Variants in RNF112 observed in about 807,000 individuals in gnomAD.
RNF112 encodes the protein ring finger protein 112.
A neutral mutation model predicts 64.7 loss-of-function variants in RNF112; 34 were observed. The observed-to-expected ratio is 0.53, with a 90% confidence interval of 0.40 to 0.70. RNF112 has a LOEUF of 0.70. Among genes scored for constraint, RNF112 ranks in the 30% least tolerant of loss-of-function variants. RNF112 has a pLI of 0.00. For missense variants in RNF112, 734 were observed against 850.0 expected (o/e 0.86, Z 1.70); for synonymous variants, 345 against 344.5 (o/e 1.00, Z -0.02).
chr17:19,413,319 T>A lies in RNF112; in HGVS notation c.628T>A (p.Ser210Thr), dbSNP rs779543095. ...CGGCCGGCCAAGAGGAGGAGAGGCA[T>A]CCCTGCAGGGCTGCAGGTGGGGCGC... ...EGGRPRGGEA[S>T]LQGCRWGANG... Residue 210 changes from serine (S) to threonine (T), a missense_variant, in exon 5 of 14, where the codon TCC becomes ACC. By Grantham distance (58) the Ser-to-Thr change is moderately conservative. Coordinates refer to ENST00000461366, the MANE Select transcript of RNF112 (RefSeq NM_007148.5). The surrounding 1 kb of genome is among the most constrained non-coding windows in gnomAD (Gnocchi z 5.9). The A allele has an allele frequency of 1.9e-6, 3 of 1,612,644 alleles. No homozygotes were observed. The highest frequency in any genetic ancestry group is 1.3e-5 in the African/African-American group (1 of 74,860).
At chr17:19,414,290 C>A in intron 7 of RNF112, 145 bp downstream of exon 7, 2 of 1,119,642 alleles carry the variant, frequency 1.8e-6, no homozygotes, top group Admixed American at 3.9e-5. Flanking sequence ...GAGAGTAAAG[C>A]AAGAGATGTG....
Position 19,411,316 on chromosome 17 carries a change from A to T in RNF112, c.-93A>T, listed in dbSNP as rs1384094767. 44 of 1,253,668 alleles carry T rather than the reference A, an allele frequency of 3.5e-5. 1 individual carries two copies. In the Admixed American group the frequency reaches 8.4e-4, roughly 24 times the overall value. 77.7% of individuals were successfully genotyped at this position (1,253,668 alleles called of 1,614,324 possible). The stretch of plus-strand genomic sequence containing the variant: ...CACCTTCTACCTACCGCAGCCTGCT[A>T]GCCTTTCCGGGAGAAAAGGCATCCT... On this transcript the variant is annotated 5_prime_UTR_variant, in exon 1 of 14. Coordinates refer to ENST00000461366, the MANE Select transcript of RNF112 (RefSeq NM_007148.5).
chr17:19,413,664 A>G lies in RNF112; in HGVS notation c.808A>G (p.Met270Val). 1 of 1,610,508 alleles carries G rather than the reference A, an allele frequency of 6.2e-7. No individual in the cohort carries two copies. Among genetic ancestry groups the G allele is most frequent in the Non-Finnish European group, 8.5e-7 (1 of 1,178,416 alleles). Residue 270 changes from methionine to valine, a missense_variant, in exon 6 of 14, where the codon ATG (methionine) becomes GTG (valine). Physicochemically the swap from Met to Val is conservative, Grantham distance 21. Coordinates refer to ENST00000461366, the MANE Select transcript of RNF112 (RefSeq NM_007148.5). This position sits in a 1 kb window ranked among gnomAD's most constrained non-coding sequence, Gnocchi z 5.9. ...GATCAAGCTCTGTGCTCTCACCACG[A>G]TGCTGAGCTCCTACCAGGTGATGGG... ...TRIKLCALTT[M>V]LSSYQILSTS...
At chr17:19,414,038 C>T in intron 6 of RNF112, 57 bp from the exon 7 acceptor site, 1 of 1,496,564 alleles carries the variant, frequency 6.7e-7, no homozygotes, top group East Asian at 2.3e-5. Context: ...GGGCCTTCCC[C>T]AGTGAAGTCA....
chr17:19,415,885 A>G lies in RNF112; in HGVS notation c.1606A>G (p.Met536Val), dbSNP rs757799190. Residue 536 changes from methionine (M) to valine (V), a missense_variant, in exon 14 of 14, where the codon ATG becomes GTG. Transcript: ENST00000461366. This position sits in a 1 kb window ranked among gnomAD's most constrained non-coding sequence, Gnocchi z 7.8. ...AELQATAKAF[M>V]DSYTMRFCGH... Reference sequence around the variant, plus strand: ...GCTGCAGGCCACGGCCAAGGCCTTCATGGACTCCTACACGATGCGCTTCTG... The same window carrying G: ...GCTGCAGGCCACGGCCAAGGCCTTCGTGGACTCCTACACGATGCGCTTCTG... The G allele has an allele frequency of 1.2e-6, 2 of 1,613,462 alleles. No homozygotes were observed. The highest frequency in any genetic ancestry group is 2.2e-5 in the East Asian group (1 of 44,842).
chr17:19,411,601 A>C, intron 1 of RNF112, 29 bp from the exon 2 acceptor site: 1 of 1,489,336 alleles, frequency 6.7e-7, no homozygotes, highest in Non-Finnish European at 9.0e-7. Flanking sequence ...TTATGTTCTA[A>C]ATCTTTTTTT....
chr17:19,411,531 G>T, intron 1 of RNF112, 69 bp downstream of exon 1: 2 of 1,364,302 alleles, frequency 1.5e-6, no homozygotes, highest in East Asian at 2.4e-5. Context: ...CTGGGGGATG[G>T]GCCGGGGGTG....
rs1454359963 is a variant in RNF112, at chr17:19,415,043, G to A, written c.1132G>A (p.Asp378Asn). 1.3e-6 allele frequency: 2 copies of A among 1,588,322 alleles called. No homozygotes were observed. The highest frequency in any genetic ancestry group is 2.2e-5 in the East Asian group (1 of 44,472). ...CATGCACATCTCTCCCTCAGACACA[G>A]ATGATGACTTCCGCCACCTTCTGGG... ...NQGHASPGDTDDDFRHLLGAY... is the reference protein window; with the variant it reads ...NQGHASPGDTNDDFRHLLGAY... The change falls in exon 11 of 14, where the codon GAT becomes AAT. Residue 378 changes from aspartate (D) to asparagine (N), a missense_variant. Physicochemically the swap from Asp to Asn is conservative, Grantham distance 23. Transcript: ENST00000461366. The surrounding 1 kb of genome is among the most constrained non-coding windows in gnomAD (Gnocchi z 7.8).
At chr17:19,411,539 G>C (rs1173943868) in intron 1 of RNF112, 77 bp downstream of exon 1, 1 of 1,425,936 alleles carries the variant, frequency 7.0e-7, no homozygotes, top group Non-Finnish European at 9.7e-7. Flanking sequence ...TGGGCCGGGG[G>C]TGGGGAGGAT....
chr17:19,415,407 C>A lies in RNF112; in HGVS notation c.1350+68C>A. On this transcript the variant is annotated intron_variant, in intron 12 of 13. Transcript: ENST00000461366. This position sits in a 1 kb window ranked among gnomAD's most constrained non-coding sequence, Gnocchi z 7.8. ...GGAGGCAGGGAGGTGGGGGCTGTGC[C>A]GAGGCCTCCGGGGTGGGGGTCTGTG... 1 of 1,543,960 alleles carries A rather than the reference C, an allele frequency of 6.5e-7. No individual in the cohort carries two copies. Among genetic ancestry groups the A allele is most frequent in the Non-Finnish European group, 8.7e-7 (1 of 1,143,244 alleles).
intron 2 of RNF112, 149 bp downstream of exon 2, chr17:19,411,819 C>A: frequency 1.3e-6 from 1 of 792,952 alleles, no homozygotes; most frequent in Non-Finnish European, 2.1e-6. Context: ...GAGGGAGGGA[C>A]AGGAAGAAGC....
rs577137511 is a variant in RNF112 at position 19,414,825 on chromosome 17, G to T, written c.1064G>T (p.Arg355Leu). The change falls in exon 10 of 14, where the codon CGT becomes CTT. Residue 355 changes from arginine to leucine, a missense_variant. Transcript: ENST00000461366. Reference sequence around the variant, plus strand: ...GAGCTGCTGCAAGGGAAGCGAGCCCGTTGCTGCCTCTTGCCTGCCCCAGGG... The same window carrying T: ...GAGCTGCTGCAAGGGAAGCGAGCCCTTTGCTGCCTCTTGCCTGCCCCAGGG... ...VQELLQGKRA[R>L]CCLLPAPGRR... 2 of 1,613,760 alleles carry T rather than the reference G, an allele frequency of 1.2e-6. No homozygotes were observed. The highest frequency in any genetic ancestry group is 3.3e-5 in the Admixed American group (2 of 60,024).
chr17:19,413,949 C>T lies in RNF112; in HGVS notation c.826-146C>T. 1.4e-6 allele frequency: 1 copy of T among 695,372 alleles called. No individual in the cohort carries two copies. The highest frequency in any genetic ancestry group is 2.4e-6 in the Non-Finnish European group (1 of 410,834). 43.1% of individuals were successfully genotyped at this position (695,372 alleles called of 1,614,324 possible). On this transcript the variant is annotated intron_variant, in intron 6 of 13. Coordinates refer to ENST00000461366, the MANE Select transcript of RNF112 (RefSeq NM_007148.5). The surrounding 1 kb of genome is among the most constrained non-coding windows in gnomAD (Gnocchi z 5.9). ...CTCCGGCCTTGAGGCCAGCCCAGCC[C>T]TGCAGCCTTCGAGGCCCCCATACTG... is the stretch of plus-strand genomic sequence containing the variant.
chr17:19,416,264 C>A lies in RNF112; in HGVS notation c.*89C>A. 1 of 1,214,478 alleles carries A rather than the reference C, an allele frequency of 8.2e-7. No individual in the cohort carries two copies. The highest frequency in any genetic ancestry group is 1.1e-6 in the Non-Finnish European group (1 of 875,030). 75.2% of individuals were successfully genotyped at this position (1,214,478 alleles called of 1,614,324 possible). A position where few individuals can be genotyped will look rare whatever the true frequency, so the allele number is the denominator to read the frequency against. ...CGGGGGAGGGTGATGCCAGGGATTC[C>A]AAGGCACCGCCATGTACTGCACTGC... On this transcript the variant is annotated 3_prime_UTR_variant, in exon 14 of 14. Transcript: ENST00000461366.
Position 19,415,896 on chromosome 17 carries a change from C to T in RNF112, c.1617C>T (p.Tyr539=). 6.2e-6 allele frequency: 10 copies of T among 1,613,262 alleles called. No individual in the cohort carries two copies. Among genetic ancestry groups the T allele is most frequent in the Non-Finnish European group, 8.5e-6 (10 of 1,179,708 alleles). The change falls in exon 14 of 14, where the codon TAC becomes TAT. Residue 539 remains tyrosine, a synonymous_variant. Transcript: ENST00000461366. The surrounding 1 kb of genome is among the most constrained non-coding windows in gnomAD (Gnocchi z 7.8). ...QATAKAFMDS[Y]TMRFCGHLAA... is the part of the protein sequence containing the mutation. ...CGGCCAAGGCCTTCATGGACTCCTA[C>T]ACGATGCGCTTCTGTGGCCACCTAG...
In RNF112 at chr17:19,413,050, G is replaced by A; in HGVS notation, c.494G>A (p.Arg165Lys). 6.2e-7 allele frequency: 1 copy of A among 1,613,118 alleles called. No individual in the cohort carries two copies. The change falls in exon 4 of 14, where the codon AGG (arginine) becomes AAG (lysine). Residue 165 changes from arginine to lysine, a missense_variant. Physicochemically the swap from Arg to Lys is conservative, Grantham distance 26. Transcript: ENST00000461366. This position sits in a 1 kb window ranked among gnomAD's most constrained non-coding sequence, Gnocchi z 5.9. ...CGCTGCCTGAAGCACCCTCTGGCCAGGGACACCCCAGTCTGCCTCCTCGCT... is the reference window on the plus strand; with the variant it reads ...CGCTGCCTGAAGCACCCTCTGGCCAAGGACACCCCAGTCTGCCTCCTCGCT... ...INRCLKHPLARDTPVCLLAVL... is the reference protein window; with the variant it reads ...INRCLKHPLAKDTPVCLLAVL...
Position 19,417,177 on chromosome 17 carries a change from C to T in RNF112, c.*1002C>T, listed in dbSNP as rs935737169. On this transcript the variant is annotated 3_prime_UTR_variant, in exon 14 of 14. Coordinates refer to ENST00000461366, the MANE Select transcript of RNF112 (RefSeq NM_007148.5). ...ACAGAAAATCTGACTACTAGGAAGA[C>T]TTCTAGGCTATGAAACTGACTTCTA... The T allele has an allele frequency of 1.1e-4, 16 of 152,196 alleles. No individual in the cohort carries two copies. Among genetic ancestry groups the T allele is most frequent in the Non-Finnish European group, 1.8e-4 (12 of 68,036 alleles). The allele number at this position is 152,196 out of a possible 1,614,324, so 9.4% of individuals were successfully genotyped here. A position where few individuals can be genotyped will look rare whatever the true frequency, so the allele number is the denominator to read the frequency against.
Position 19,415,816 on chromosome 17 carries a change from CT to C in RNF112, c.1538del (p.Leu513ProfsTer35), listed in dbSNP as rs1325795238. ...TCTGGCCCGCCATGGTGTGGCCTTA[CT>C]CTGCAAGGGGAGAGATCAGACCTTG... The part of the protein sequence containing the change: ...AILARHGVAL[L>X]CKGRDQTLEA... On this transcript the variant is annotated frameshift_variant, in exon 14 of 14. Transcript: ENST00000461366. LOFTEE classifies it high-confidence loss of function. The surrounding 1 kb of genome is among the most constrained non-coding windows in gnomAD (Gnocchi z 7.8). The C allele has an allele frequency of 6.2e-7, 1 of 1,613,824 alleles. No homozygotes were observed.
In RNF112 at chr17:19,416,148, C is replaced by A. The variant is rs1369438364; in HGVS notation, c.1869C>A (p.Asp623Glu). The A allele has an allele frequency of 2.6e-6, 4 of 1,565,910 alleles. No homozygotes were observed. The highest frequency in any genetic ancestry group is 1.7e-6 in the Non-Finnish European group (2 of 1,155,952). ...KEEDERLLEG[D>E]REPLLQEE is the part of the protein sequence containing the mutation. Reference sequence around the variant, plus strand: ...AGGATGAGAGGCTTCTGGAAGGGGACCGAGAGCCCCTTCTCCAGGAAGAGT... The same window carrying A: ...AGGATGAGAGGCTTCTGGAAGGGGAACGAGAGCCCCTTCTCCAGGAAGAGT... Residue 623 changes from aspartate (D) to glutamate (E), a missense_variant, in exon 14 of 14, where the codon GAC becomes GAA. Physicochemically the swap from Asp to Glu is conservative, Grantham distance 45 (BLOSUM62 2). Coordinates refer to ENST00000461366, the MANE Select transcript of RNF112 (RefSeq NM_007148.5).
Sources: allele counts gnomAD v4.1 joint callset, GRCh38; gene constraint gnomAD v4.1.1; non-coding constraint Gnocchi (gnomAD v3.1); transcripts MANE v1.5; gene names NCBI Gene and HGNC (gene_info 2026-07-23, HGNC 2026-07-21).